TDRD5: variants seen among roughly 807,000 people sequenced by gnomAD.
TDRD5 encodes the protein tudor domain containing 5.
In TDRD5, 41 loss-of-function variants were observed where a neutral mutation model predicts 120.6. The observed-to-expected ratio is 0.34, with a 90% CI of 0.26 to 0.44. The LOEUF (loss-of-function observed/expected upper bound fraction) is 0.44. Ranked by LOEUF, TDRD5 falls within the 20% of genes least tolerant of loss-of-function variation. The probability of loss-of-function intolerance (pLI) is 1.00; values close to 1 mark genes in which losing one functional copy is unlikely to be tolerated. For missense variants in TDRD5, 1,006 were observed against 1,221.2 expected, an observed-to-expected ratio of 0.82 and a Z score of 2.63; for synonymous variants, 430 against 433.7, an observed-to-expected ratio of 0.99 and a Z score of 0.11.
At position 179,592,460 on chromosome 1, in the gene TDRD5, C is replaced by G. The variant is rs1239041711; in HGVS notation, c.-14-142C>G. 4 of 645,940 alleles carry G rather than the reference C, an allele frequency of 6.2e-6. No homozygotes were observed. In the East Asian group the frequency reaches 1.1e-4, roughly 18 times the overall value. The allele number at this position is 645,940 out of a possible 1,614,324, so 40.0% of individuals were successfully genotyped here. ...TTGAATCGCCCGGCCACGCGCAAGCCGCAGGGCACCCTCATACTACTACTT... is the reference window on the plus strand; with the variant it reads ...TTGAATCGCCCGGCCACGCGCAAGCGGCAGGGCACCCTCATACTACTACTT... On this transcript the variant is annotated intron_variant, in intron 1 of 17. Transcript: ENST00000444136.
At chr1:179,663,577 A>G in intron 16 of TDRD5, 86 bp downstream of exon 16, 1 of 1,486,674 alleles carries the variant, frequency 6.7e-7, no homozygotes, top group Non-Finnish European at 8.9e-7. Context: ...CAATTTACAT[A>G]TTTTGATATT....
rs147295672 is a variant in TDRD5 at position 179,648,798 on chromosome 1, A to G, written c.1801-2069A>G. 3.1e-3 allele frequency among the ~76,000 whole-genome samples: 477 copies of G among 152,186 alleles called. 3 individuals are homozygous for G. The highest frequency in any genetic ancestry group is 0.011 in the African/African-American group (464 of 41,538). On this transcript the variant is annotated intron_variant, in intron 11 of 17. Transcript: ENST00000444136. Reference sequence around the variant, plus strand: ...AATACTAAAAAACAATAAAAAAAATAATGTCAATTTAGATTACAAGTTTCT... The same window carrying G: ...AATACTAAAAAACAATAAAAAAAATGATGTCAATTTAGATTACAAGTTTCT...
At chr1:179,665,617 T>C (rs1679519318) in intron 16 of TDRD5, among the ~76,000 whole-genome samples, 1 of 152,182 alleles carries the variant, frequency 6.6e-6, no homozygotes, top group Admixed American at 6.5e-5. Context: ...CAGCGTCACA[T>C]TGTCTTGATT....
At chr1:179,685,256 A>G (rs1036953930) in intron 17 of TDRD5, among the ~76,000 whole-genome samples, 3 of 152,198 alleles carry the variant, frequency 2.0e-5, no homozygotes, top group African/African-American at 7.2e-5. Flanking sequence ...TCAGCTTTCT[A>G]CATATGGCTA....
chr1:179,634,665 A>T, intron 8 of TDRD5, 36 bp downstream of exon 8: 1 of 1,555,224 alleles, frequency 6.4e-7, no homozygotes, highest in South Asian at 1.2e-5. Context: ...CTGGAGATTC[A>T]GCATTATGGA....
At chr1:179,606,290 T>A (rs1276391160) in intron 4 of TDRD5, among the ~76,000 whole-genome samples, 1 of 150,820 alleles carries the variant, frequency 6.6e-6, no homozygotes, top group Non-Finnish European at 1.5e-5. Context: ...AAAATTGGAT[T>A]GTTTCTTATT....
intron 8 of TDRD5, 78 bp downstream of exon 8, chr1:179,634,707 A>T (rs1677670047): frequency 6.9e-7 from 1 of 1,455,504 alleles, no homozygotes; most frequent in African/African-American, 1.4e-5. Context: ...TTTAAACCAA[A>T]ATTCTTTTTA....
At chr1:179,686,667 G>A (rs1371465006) in intron 17 of TDRD5, among the ~76,000 whole-genome samples, 2 of 137,410 alleles carry the variant, frequency 1.5e-5, no homozygotes, top group East Asian at 2.2e-4. Context: ...GAATCTGACT[G>A]GTCCTGGACT....
chr1:179,617,558 A>G (rs1676625749), intron 4 of TDRD5, among the ~76,000 whole-genome samples: 1 of 152,054 alleles, frequency 6.6e-6, no homozygotes, highest in Non-Finnish European at 1.5e-5. Context: ...AAGTATTAAT[A>G]GTGATTGTGT....
chr1:179,607,869 T>TA lies in TDRD5; in HGVS notation c.832-10729dup, dbSNP rs1387736104. Among the ~76,000 whole-genome samples, 5 of 152,030 alleles carry TA rather than the reference T, an allele frequency of 3.3e-5. No individual in the cohort carries two copies. In the East Asian group the frequency reaches 7.7e-4, roughly 23 times the overall value. ...TAAAAATGAAAAAAACTTGTTTACT[T>TA]ACACTTATTTCTGATGCTCTCCAAT... On this transcript the variant is annotated intron_variant, in intron 4 of 17. Coordinates refer to ENST00000444136, the MANE Select transcript of TDRD5 (RefSeq NM_001199085.3).
At chr1:179,617,008 T>G (rs1393866879) in intron 4 of TDRD5, among the ~76,000 whole-genome samples, 6 of 152,172 alleles carry the variant, frequency 3.9e-5, no homozygotes, top group African/African-American at 1.4e-4. Context: ...AGAAAGATTA[T>G]CTTACTGTTC....
At chr1:179,600,000 AT>A (rs1212191005) in intron 4 of TDRD5, among the ~76,000 whole-genome samples, 1 of 152,140 alleles carries the variant, frequency 6.6e-6, no homozygotes, top group Non-Finnish European at 1.5e-5. Context: ...TTGTACCATT[AT>A]TTTAGAGTGC....
At chr1:179,654,633 G>C (rs1472588345) in intron 14 of TDRD5, among the ~76,000 whole-genome samples, 1 of 152,114 alleles carries the variant, frequency 6.6e-6, no homozygotes, top group Non-Finnish European at 1.5e-5. Flanking sequence ...GCCAGCCATA[G>C]TGGCATGTGC....
chr1:179,649,114 T>C (rs1238690027), intron 11 of TDRD5, among the ~76,000 whole-genome samples: 1 of 152,194 alleles, frequency 6.6e-6, no homozygotes, highest in Non-Finnish European at 1.5e-5. Flanking sequence ...TTGAAGGTAG[T>C]GTCCTTTCTG....
At chr1:179,685,454 A>G (rs1156884017) in intron 17 of TDRD5, among the ~76,000 whole-genome samples, 2 of 152,028 alleles carry the variant, frequency 1.3e-5, no homozygotes, top group African/African-American at 4.8e-5. Context: ...TAGCCTTGGT[A>G]TAGTTTGAAG....
intron 14 of TDRD5, among the ~76,000 whole-genome samples, chr1:179,654,846 T>TA (rs149171078): frequency 0.017 from 2,636 of 152,180 alleles, 53 homozygotes; most frequent in African/African-American, 0.059. Context: ...ACCTTGATCA[T>TA]AAAAAAAGGT....
At position 179,691,164 on chromosome 1, in the gene TDRD5, G is replaced by T. The variant is rs1279886611; in HGVS notation, c.*221G>T. 2.0e-6 allele frequency: 1 copy of T among 509,236 alleles called. No homozygotes were observed. The allele number at this position is 509,236 out of a possible 1,614,324, so 31.5% of individuals were successfully genotyped here. On this transcript the variant is annotated 3_prime_UTR_variant, in exon 18 of 18. Transcript: ENST00000444136. ...TCTTGATTTTTCTTGATTTTATTCT[G>T]TGTCATTTTGTTCACCTTTGTTTTT...
intron 17 of TDRD5, among the ~76,000 whole-genome samples, chr1:179,675,275 T>TA (rs573077045): frequency 0.021 from 1,000 of 48,114 alleles, 9 homozygotes; most frequent in East Asian, 0.084. Flanking sequence ...TTATTATTAT[T>TA]TTTTTTTTTT....
chr1:179,669,676 T>G (rs10798707), intron 17 of TDRD5, among the ~76,000 whole-genome samples: 5,770 of 151,860 alleles, frequency 0.038, 170 homozygotes, highest in East Asian at 0.1. Flanking sequence ...TGTATAGTTC[T>G]TTGAGTTTCG....
Sources: gnomAD v4.1 joint callset for allele counts (sites outside exome capture counted in the v4.1 genomes callset) on GRCh38, gnomAD v4.1.1 for gene constraint, MANE v1.5 for transcripts, NCBI Gene and HGNC (gene_info 2026-07-23, HGNC 2026-07-21) for gene names.